The following FAM227A variants were observed in gnomAD, a reference collection of about 807,000 sequenced individuals.
FAM227A encodes family with sequence similarity 227 member A, also known as protein FAM227A.
FAM227A carries 80 observed loss-of-function variants against 74.7 expected under a neutral mutation model. The observed-to-expected ratio is 1.07, with a 90% CI of 0.89 to 1.29. The LOEUF is 1.29. FAM227A is among the 50% of genes most tolerant of loss of function. FAM227A has a pLI of 0.00. For synonymous variants in FAM227A, 237 were observed against 241.8 expected (o/e 0.98, Z 0.19); for missense variants, 654 against 683.4 (o/e 0.96, Z 0.48).
chr22:38,617,355 G>C (rs1238765306), intron 11 of FAM227A, among the ~76,000 whole-genome samples: 1 of 149,844 alleles, frequency 6.7e-6, no homozygotes, highest in East Asian at 2.0e-4. Flanking sequence ...GAGTGCAGCG[G>C]CACGATCTCA....
At chr22:38,636,648 G>C in intron 5 of FAM227A, 51 bp from the exon 6 acceptor site, 1 of 1,488,530 alleles carries the variant, frequency 6.7e-7, no homozygotes, top group South Asian at 1.3e-5. Flanking sequence ...TTGACAGTGT[G>C]AAACAATAGG....
At chr22:38,633,295 C>G (rs1229013571) in intron 6 of FAM227A, among the ~76,000 whole-genome samples, 1 of 151,488 alleles carries the variant, frequency 6.6e-6, no homozygotes, top group Non-Finnish European at 1.5e-5. Flanking sequence ...GGGAGTTGCA[C>G]AGTTTTATTT....
chr22:38,645,622 G>A lies in FAM227A; in HGVS notation c.166C>T (p.Gln56Ter). Residue 56 changes from glutamine (Q) to a stop codon, truncating the protein, a stop_gained, in exon 3 of 17, where the codon CAG (glutamine) becomes TAG (stop). Transcript: ENST00000535113. LOFTEE classifies it high-confidence loss of function. ...PPSCLIGSMH[Q>*]VNQKIADINL... ...ATGTCAGCAATCTTTTGGTTCACCT[G>A]GTGCATGGAGCCAATAAGGCATGCT... 4 of 1,551,248 alleles carry A rather than the reference G, an allele frequency of 2.6e-6. No homozygotes were observed. The highest frequency in any genetic ancestry group is 2.6e-6 in the Non-Finnish European group (3 of 1,146,794).
At chr22:38,595,791 T>C (rs753845225) in intron 15 of FAM227A, among the ~76,000 whole-genome samples, 11 of 152,194 alleles carry the variant, frequency 7.2e-5, no homozygotes, top group Non-Finnish European at 1.5e-4. Context: ...TGAAAGATTT[T>C]GGGCAAAATG....
Position 38,645,643 on chromosome 22 carries a change from A to G in FAM227A, c.145T>C (p.Cys49Arg). The change falls in exon 3 of 17, where the codon TGC becomes CGC. Residue 49 changes from cysteine (C) to arginine (R), a missense_variant and splice_region_variant. Cys to Arg is a radical substitution (Grantham distance 180). Coordinates refer to ENST00000535113, the MANE Select transcript of FAM227A (RefSeq NM_001013647.2). ...RKELENNPPS[C>R]LIGSMHQVNQ... Reference sequence around the variant, plus strand: ...ACCTGGTGCATGGAGCCAATAAGGCATGCTGGGAGGTTAGTCTGCTAAGGA... The same window carrying G: ...ACCTGGTGCATGGAGCCAATAAGGCGTGCTGGGAGGTTAGTCTGCTAAGGA... 6.5e-7 allele frequency: 1 copy of G among 1,549,912 alleles called. No individual in the cohort carries two copies. The highest frequency in any genetic ancestry group is 8.7e-7 in the Non-Finnish European group (1 of 1,145,832).
Position 38,654,949 on chromosome 22 carries a change from A to AAAAT in FAM227A, c.-95+1167_-95+1170dup, listed in dbSNP as rs530190566. ...TAGGCGACAGTGCGAGACTCCATCT[A>AAAAT]AAATAAATAAATAAATAAATAAATA... On this transcript the variant is annotated intron_variant, in intron 1 of 16. Transcript: ENST00000535113. Among the ~76,000 whole-genome samples the AAAAT allele has an allele frequency of 6.3e-3, 934 of 147,880 alleles. 10 individuals carry two copies. Among genetic ancestry groups the AAAAT allele is most frequent in the Admixed American group, 0.014 (204 of 14,634 alleles).
intron 10 of FAM227A, among the ~76,000 whole-genome samples, chr22:38,620,531 C>T (rs1483764503): frequency 1.1e-4 from 17 of 152,094 alleles, no homozygotes; most frequent in East Asian, 3.9e-4. Context: ...AGGGCCGGCG[C>T]GGTGGCTCAC....
In FAM227A at chr22:38,585,840, A is replaced by T; in HGVS notation, c.*285T>A. 1.6e-6 allele frequency: 1 copy of T among 609,982 alleles called. No homozygotes were observed. Among genetic ancestry groups the T allele is most frequent in the Non-Finnish European group, 2.7e-6 (1 of 371,996 alleles). 37.8% of individuals were successfully genotyped at this position (609,982 alleles called of 1,614,324 possible). A position where few individuals can be genotyped will look rare whatever the true frequency, so the allele number is the denominator to read the frequency against. On this transcript the variant is annotated 3_prime_UTR_variant, in exon 17 of 17. Transcript: ENST00000535113. Reference sequence around the variant, plus strand: ...TTCATACGGCTGGTATGAAAGTTTTACCTTTGTATGAGGTCATATTTGTAA... The same window carrying T: ...TTCATACGGCTGGTATGAAAGTTTTTCCTTTGTATGAGGTCATATTTGTAA...
intron 3 of FAM227A, among the ~76,000 whole-genome samples, chr22:38,641,978 CACGTGTGTGT>C (rs1434145069): frequency 0.026 from 3,844 of 145,562 alleles, 166 homozygotes; most frequent in African/African-American, 0.094. Flanking sequence ...TGTGTGTGCG[CACGTGTGTGT>C]GCGCGTGTGT....
At chr22:38,647,343 T>C (rs1251437858) in intron 2 of FAM227A, among the ~76,000 whole-genome samples, 1 of 151,832 alleles carries the variant, frequency 6.6e-6, no homozygotes, top group Non-Finnish European at 1.5e-5. Flanking sequence ...CAGACGCCTA[T>C]AGTCCCAGCT....
intron 12 of FAM227A, among the ~76,000 whole-genome samples, chr22:38,606,073 T>C (rs568593525): frequency 6.6e-6 from 1 of 152,292 alleles, no homozygotes; most frequent in South Asian, 2.1e-4. Flanking sequence ...AGGCCACACT[T>C]TGAACCAACT....
At chr22:38,641,119 AAG>A (rs1369516105) in intron 3 of FAM227A, among the ~76,000 whole-genome samples, 1 of 129,980 alleles carries the variant, frequency 7.7e-6, no homozygotes, top group Non-Finnish European at 1.6e-5. Context: ...TTTGCACAGA[AAG>A]AGGGGAGAGA....
At chr22:38,616,230 A>T (rs1292892101) in intron 11 of FAM227A, among the ~76,000 whole-genome samples, 1 of 152,170 alleles carries the variant, frequency 6.6e-6, no homozygotes, top group Non-Finnish European at 1.5e-5. Flanking sequence ...GGAGTGGCCA[A>T]CCACACCAAA....
intron 11 of FAM227A, among the ~76,000 whole-genome samples, chr22:38,618,701 G>A (rs2091626033): frequency 6.6e-6 from 1 of 152,170 alleles, no homozygotes; most frequent in Non-Finnish European, 1.5e-5. Context: ...TCTGAACTGA[G>A]ATGGAAGGAT....
chr22:38,624,968 T>A (rs901238250), intron 9 of FAM227A, among the ~76,000 whole-genome samples: 32 of 151,892 alleles, frequency 2.1e-4, no homozygotes, highest in African/African-American at 6.8e-4. Context: ...CCCAACACAA[T>A]AGGAAATTTA....
chr22:38,638,460 G>T lies in FAM227A; in HGVS notation c.372+286C>A, dbSNP rs532549995. ...GCAGTGTGGACAGCCCCTTGAAGCT[G>T]CATGGCACAGTGGCTCTGGATTAGA... On this transcript the variant is annotated intron_variant, in intron 5 of 16. Coordinates refer to ENST00000535113, the MANE Select transcript of FAM227A (RefSeq NM_001013647.2). Among the ~76,000 whole-genome samples the T allele has an allele frequency of 3.9e-5, 6 of 152,346 alleles. No homozygotes were observed. In the East Asian group the frequency reaches 1.2e-3, roughly 29 times the overall value.
chr22:38,596,719 A>G (rs1283786093), intron 15 of FAM227A, among the ~76,000 whole-genome samples: 1 of 152,106 alleles, frequency 6.6e-6, no homozygotes, highest in African/African-American at 2.4e-5. Context: ...AGTTCAGTGT[A>G]CTATCAACTT....
intron 1 of FAM227A, among the ~76,000 whole-genome samples, chr22:38,654,074 C>T (rs757994633): frequency 6.6e-6 from 1 of 152,060 alleles, no homozygotes; most frequent in Non-Finnish European, 1.5e-5. Flanking sequence ...CAGGGCCGGG[C>T]GCGGTGGCTC....
chr22:38,600,066 A>G (rs1398390651), intron 13 of FAM227A, 145 bp from the exon 14 acceptor site: 3 of 741,442 alleles, frequency 4.0e-6, no homozygotes, highest in Non-Finnish European at 6.2e-6. Context: ...ACTCAAAATA[A>G]AGCAAAAAAA....
Sources: gnomAD v4.1 joint callset for allele counts (sites outside exome capture counted in the v4.1 genomes callset) on GRCh38, gnomAD v4.1.1 for gene constraint, MANE v1.5 for transcripts, NCBI Gene and HGNC (gene_info 2026-07-23, HGNC 2026-07-21) for gene names.